Variants in KHDRBS2 observed in about 807,000 individuals in gnomAD.
KHDRBS2 encodes KH domain-containing, RNA-binding, signal transduction-associated protein 2.
Under a neutral mutation model 44.3 loss-of-function variants are expected in KHDRBS2, and 26 were observed. The observed-to-expected ratio is 0.59, with a 90% CI of 0.43 to 0.81. KHDRBS2 has a LOEUF of 0.81. Among genes scored for constraint, KHDRBS2 ranks in the 40% least tolerant of loss-of-function variants. KHDRBS2 has a pLI of 0.00. For synonymous variants in KHDRBS2, 194 were observed against 151.1 expected (o/e 1.28, Z -2.08); for missense variants, 476 against 433.1 (o/e 1.10, Z -0.88).
intron 6 of KHDRBS2, among the ~76,000 whole-genome samples, chr6:61,814,586 C>G (rs569852105): frequency 1.3e-5 from 2 of 152,046 alleles, no homozygotes; most frequent in Admixed American, 1.3e-4. Context: ...AGCCTGGTGA[C>G]AGACTGAGAC....
At chr6:61,688,787 C>T (rs376098656) in intron 8 of KHDRBS2, among the ~76,000 whole-genome samples, 22 of 152,008 alleles carry the variant, frequency 1.4e-4, no homozygotes, top group African/African-American at 4.6e-4. Flanking sequence ...AAATTGGCTC[C>T]CACCACTTGT....
chr6:62,070,471 T>C (rs1362202700), intron 2 of KHDRBS2, among the ~76,000 whole-genome samples: 1 of 152,006 alleles, frequency 6.6e-6, no homozygotes, highest in Non-Finnish European at 1.5e-5. Context: ...GTATATCTCC[T>C]AATGCTATCC....
chr6:62,034,638 A>G (rs1178905944), intron 3 of KHDRBS2, among the ~76,000 whole-genome samples: 2 of 150,556 alleles, frequency 1.3e-5, no homozygotes, highest in South Asian at 4.2e-4. Context: ...TAGAAGAAAC[A>G]TATCTCAACA....
At chr6:61,755,817 AT>A (rs1362332658) in intron 6 of KHDRBS2, among the ~76,000 whole-genome samples, 3 of 151,652 alleles carry the variant, frequency 2.0e-5, no homozygotes, top group African/African-American at 4.8e-5. Flanking sequence ...AAAAAAAAAA[AT>A]CATTGGATTA....
intron 2 of KHDRBS2, among the ~76,000 whole-genome samples, chr6:62,071,060 G>A (rs1794941171): frequency 6.6e-6 from 1 of 152,068 alleles, no homozygotes; most frequent in Non-Finnish European, 1.5e-5. Flanking sequence ...ATCTCATTGT[G>A]GTTTTGATTT....
chr6:61,943,967 T>A (rs1163617925), intron 4 of KHDRBS2, among the ~76,000 whole-genome samples: 1 of 151,918 alleles, frequency 6.6e-6, no homozygotes, highest in Non-Finnish European at 1.5e-5. Flanking sequence ...TATCAACTCA[T>A]CCCTGTTAGA....
At position 62,060,637 on chromosome 6, in the gene KHDRBS2, A is replaced by C. The variant is rs553000860; in HGVS notation, c.220-12643T>G. 1.5e-3 allele frequency among the ~76,000 whole-genome samples: 221 copies of C among 150,776 alleles called. 1 individual carries two copies. Among genetic ancestry groups the C allele is most frequent in the Middle Eastern group, 6.9e-3 (2 of 288 alleles). On this transcript the variant is annotated intron_variant, in intron 2 of 8. Coordinates refer to ENST00000281156, the MANE Select transcript of KHDRBS2 (RefSeq NM_152688.4). ...TCTCTCTCTCTCTCTCTCTCTCTAT[A>C]TATATATATATGAACTAAAACAAAT... is the stretch of plus-strand genomic sequence containing the variant.
chr6:61,858,297 C>G (rs1163359162), intron 6 of KHDRBS2, among the ~76,000 whole-genome samples: 1 of 150,794 alleles, frequency 6.6e-6, no homozygotes, highest in Non-Finnish European at 1.5e-5. Context: ...CCGTATTATG[C>G]AAAAAGGGTA....
chr6:61,544,682 T>A, the KHDRBS2 span, among the ~76,000 whole-genome samples: 1 of 151,910 alleles, frequency 6.6e-6, no homozygotes, highest in African/African-American at 2.4e-5. Flanking sequence ...TTTACAAAAA[T>A]TTGAGTTAGA....
At chr6:61,840,632 C>A (rs524296) in intron 6 of KHDRBS2, among the ~76,000 whole-genome samples, 71 of 151,906 alleles carry the variant, frequency 4.7e-4, no homozygotes, top group African/African-American at 1.7e-3. Flanking sequence ...GAGAGAGGGA[C>A]AGTGACATTT....
intron 4 of KHDRBS2, among the ~76,000 whole-genome samples, chr6:61,932,426 C>T (rs1049915102): frequency 2.0e-5 from 3 of 152,116 alleles, no homozygotes; most frequent in African/African-American, 4.8e-5. Flanking sequence ...TCTCTCTCTC[C>T]GCTAACCACT....
chr6:62,016,498 T>C (rs780946867), intron 3 of KHDRBS2, among the ~76,000 whole-genome samples: 86 of 150,512 alleles, frequency 5.7e-4, no homozygotes, highest in Non-Finnish European at 1.0e-3. Context: ...ATAGTGTGGA[T>C]ATACACATAG....
At chr6:61,724,867 C>T (rs901614489) in intron 7 of KHDRBS2, among the ~76,000 whole-genome samples, 1 of 152,126 alleles carries the variant, frequency 6.6e-6, no homozygotes, top group Non-Finnish European at 1.5e-5. Context: ...TAGTGGGAGA[C>T]TTTAACATTG....
intron 1 of KHDRBS2, among the ~76,000 whole-genome samples, chr6:62,273,560 C>T (rs1840426677): frequency 6.6e-6 from 1 of 152,164 alleles, no homozygotes; most frequent in Non-Finnish European, 1.5e-5. Context: ...GAGTTTTCTC[C>T]TGTCTTTCCC....
chr6:61,554,250 A>G, the KHDRBS2 span, among the ~76,000 whole-genome samples: 1 of 152,082 alleles, frequency 6.6e-6, no homozygotes, highest in Non-Finnish European at 1.5e-5. Flanking sequence ...ACCATTAAGT[A>G]ATGCACTTCC....
intron 6 of KHDRBS2, among the ~76,000 whole-genome samples, chr6:61,793,716 T>A (rs1784939212): frequency 6.6e-6 from 1 of 152,096 alleles, no homozygotes; most frequent in Non-Finnish European, 1.5e-5. Flanking sequence ...TTCAGAAATA[T>A]AAACCTGCTT....
intron 2 of KHDRBS2, among the ~76,000 whole-genome samples, chr6:62,131,615 G>T (rs1260039920): frequency 2.0e-5 from 3 of 152,176 alleles, no homozygotes; most frequent in African/African-American, 7.2e-5. Flanking sequence ...AAGTACCAGG[G>T]AAATAGATAT....
At chr6:61,755,573 A>T (rs1339551793) in intron 6 of KHDRBS2, among the ~76,000 whole-genome samples, 1 of 151,998 alleles carries the variant, frequency 6.6e-6, no homozygotes. Context: ...GCACTTTAGG[A>T]GGCTGAGATG....
At chr6:62,200,326 A>G (rs1450322819) in intron 1 of KHDRBS2, among the ~76,000 whole-genome samples, 1 of 152,224 alleles carries the variant, frequency 6.6e-6, no homozygotes, top group Non-Finnish European at 1.5e-5. Flanking sequence ...AAATTTCTGC[A>G]ATCTACTCAT....
Sources: gnomAD v4.1 joint callset for allele counts (sites outside exome capture counted in the v4.1 genomes callset) on GRCh38, gnomAD v4.1.1 for gene constraint, MANE v1.5 for transcripts, NCBI Gene and HGNC (gene_info 2026-07-23, HGNC 2026-07-21) for gene names.